AIG1: variants seen among roughly 807,000 people sequenced by gnomAD.
AIG1 encodes the protein androgen-induced gene 1 protein.
Under a neutral mutation model 31.4 loss-of-function variants are expected in AIG1, and 23 were observed. The ratio of observed to expected loss-of-function variants is 0.73; its 90% CI spans 0.53 to 1.04. The LOEUF (loss-of-function observed/expected upper bound fraction) is 1.04, where lower values mean the gene tolerates loss of function less well. Ranked by LOEUF, AIG1 falls within the 50% of genes least tolerant of loss-of-function variation. AIG1 has a pLI of 0.00. For synonymous variants in AIG1, 100 were observed against 110.5 expected, an observed-to-expected ratio of 0.90 and a Z score of 0.60; for missense variants, 274 against 295.0, an observed-to-expected ratio of 0.93 and a Z score of 0.52.
intron 1 of AIG1, among the ~76,000 whole-genome samples, chr6:143,092,387 G>A (rs1424567316): frequency 6.7e-6 from 1 of 148,160 alleles, no homozygotes; most frequent in Non-Finnish European, 1.5e-5. Flanking sequence ...TCAAAGTGTT[G>A]GTGTTACAGG....
At position 143,257,525 on chromosome 6, in the gene AIG1, A is replaced by G. The variant is rs535446196; in HGVS notation, c.400-26585A>G. On this transcript the variant is annotated intron_variant, in intron 3 of 5. Transcript: ENST00000357847. ...TATATGTGTTTGAACGGTTATAGTTAAGCATTTATATTTTTACAGAAGGCT... is the reference window on the plus strand; with the variant it reads ...TATATGTGTTTGAACGGTTATAGTTGAGCATTTATATTTTTACAGAAGGCT... Among the ~76,000 whole-genome samples the G allele has an allele frequency of 7.2e-5, 11 of 152,334 alleles. No individual in the cohort carries two copies. In the East Asian group the frequency reaches 1.3e-3, roughly 19 times the overall value.
intron 1 of AIG1, among the ~76,000 whole-genome samples, chr6:143,108,063 C>T (rs1204777275): frequency 6.6e-6 from 1 of 152,122 alleles, no homozygotes; most frequent in African/African-American, 2.4e-5. Context: ...AGCTTTGATG[C>T]CAGATTGCAT....
In AIG1 at chr6:143,226,985, CTTTTTTTTTTTT is replaced by C. The variant is rs11431811; in HGVS notation, c.400-57115_400-57104del. On this transcript the variant is annotated intron_variant, in intron 3 of 5. Coordinates refer to ENST00000357847, the MANE Select transcript of AIG1 (RefSeq NM_016108.4). The stretch of plus-strand genomic sequence containing the variant: ...CTTTCTTAAAACATTGAGTTTTTGT[CTTTTTTTTTTTT>C]TTTTTTTTTAGTTCATCAGCTATCG... 2.6e-5 allele frequency among the ~76,000 whole-genome samples: 3 copies of C among 113,622 alleles called. 1 individual carries two copies. The Admixed American group carries it at 2.6e-4, about 10-fold the overall frequency. 74.5% of individuals were successfully genotyped at this position (113,622 alleles called of 152,430 possible). A position where few individuals can be genotyped will look rare whatever the true frequency, so the allele number is the denominator to read the frequency against.
chr6:143,187,665 A>G, intron 3 of AIG1: 2 of 1,536,104 alleles, frequency 1.3e-6, no homozygotes, highest in Non-Finnish European at 1.7e-6. Flanking sequence ...CACGCTTTTC[A>G]AACGCCCATC....
intron 2 of AIG1, among the ~76,000 whole-genome samples, chr6:143,154,394 G>C (rs1346078177): frequency 6.6e-6 from 1 of 152,112 alleles, no homozygotes; most frequent in East Asian, 1.9e-4. Context: ...TGATGAAACT[G>C]TAGTGATGAA....
At chr6:143,274,720 G>A (rs1219842261) in intron 3 of AIG1, among the ~76,000 whole-genome samples, 1 of 152,194 alleles carries the variant, frequency 6.6e-6, no homozygotes, top group African/African-American at 2.4e-5. Context: ...AGCAGTGTGT[G>A]TCAGTAAAAG....
At chr6:143,238,192 C>T (rs762421548) in intron 3 of AIG1, among the ~76,000 whole-genome samples, 1 of 152,174 alleles carries the variant, frequency 6.6e-6, no homozygotes, top group African/African-American at 2.4e-5. Context: ...CTGCCCACCT[C>T]GGGCTCCCAA....
At chr6:143,289,584 T>C (rs1252115352) in intron 4 of AIG1, among the ~76,000 whole-genome samples, 3 of 152,176 alleles carry the variant, frequency 2.0e-5, no homozygotes, top group Non-Finnish European at 4.4e-5. Flanking sequence ...TTATGATCAT[T>C]CCTAAATTAT....
chr6:143,274,123 C>T (rs918515488), intron 3 of AIG1, among the ~76,000 whole-genome samples: 3 of 152,102 alleles, frequency 2.0e-5, no homozygotes, highest in East Asian at 1.9e-4. Context: ...AATGGTGGGG[C>T]GATGAGAGAC....
chr6:143,206,298 C>T (rs1424225182), intron 3 of AIG1, among the ~76,000 whole-genome samples: 1 of 152,170 alleles, frequency 6.6e-6, no homozygotes, highest in African/African-American at 2.4e-5. Context: ...CTACTTTTTT[C>T]CTTCTCAAGG....
intron 4 of AIG1, among the ~76,000 whole-genome samples, chr6:143,321,801 GA>G (rs1162077715): frequency 6.6e-6 from 1 of 151,930 alleles, no homozygotes; most frequent in Non-Finnish European, 1.5e-5. Context: ...ACACAACTGG[GA>G]AAAAAACCTG....
rs570471435 is a variant in AIG1 at position 143,068,400 on chromosome 6, A to G, written c.141+7334A>G. Among the ~76,000 whole-genome samples the G allele has an allele frequency of 3.6e-4, 55 of 152,360 alleles. No individual in the cohort carries two copies. The South Asian group carries it at 5.4e-3, about 15-fold the overall frequency. On this transcript the variant is annotated intron_variant, in intron 1 of 5. Transcript: ENST00000357847. ...CTGTAGTTAGACAGTTAAAGGGCCCATGCCTCACCTGCAGGGTAGCCCTTC... is the reference window on the plus strand; with the variant it reads ...CTGTAGTTAGACAGTTAAAGGGCCCGTGCCTCACCTGCAGGGTAGCCCTTC...
At chr6:143,283,463 C>G (rs1797482375) in intron 3 of AIG1, among the ~76,000 whole-genome samples, 1 of 152,118 alleles carries the variant, frequency 6.6e-6, no homozygotes, top group African/African-American at 2.4e-5. Flanking sequence ...TAGCCTTTGA[C>G]AATAAAAACA....
chr6:143,309,580 AAAAG>A (rs1372782930), intron 4 of AIG1, among the ~76,000 whole-genome samples: 1 of 152,042 alleles, frequency 6.6e-6, no homozygotes, highest in Non-Finnish European at 1.5e-5. Context: ...AGGGCATAAA[AAAAG>A]AAAGAAATGC....
chr6:143,103,832 C>A (rs1362890198), intron 1 of AIG1, among the ~76,000 whole-genome samples: 3 of 152,142 alleles, frequency 2.0e-5, no homozygotes, highest in African/African-American at 4.8e-5. Flanking sequence ...TAAGTTCTAA[C>A]ACAAAATTGT....
At chr6:143,332,611 C>G (rs1777168969) in intron 4 of AIG1, among the ~76,000 whole-genome samples, 1 of 152,154 alleles carries the variant, frequency 6.6e-6, no homozygotes. Flanking sequence ...GTGTTGGTGT[C>G]TAGTTGGAAG....
At chr6:143,144,914 G>A (rs1475523969) in intron 2 of AIG1, among the ~76,000 whole-genome samples, 3 of 152,208 alleles carry the variant, frequency 2.0e-5, no homozygotes, top group Non-Finnish European at 4.4e-5. Flanking sequence ...TTCAATATTA[G>A]TTGAGTGTAA....
At chr6:143,272,779 C>T (rs545255839) in intron 3 of AIG1, among the ~76,000 whole-genome samples, 14 of 152,180 alleles carry the variant, frequency 9.2e-5, no homozygotes, top group Non-Finnish European at 2.1e-4. Flanking sequence ...TAGGTTGAAT[C>T]ACATAGTAAG....
At chr6:143,220,693 A>G (rs1792416947) in intron 3 of AIG1, among the ~76,000 whole-genome samples, 1 of 152,264 alleles carries the variant, frequency 6.6e-6, no homozygotes, top group African/African-American at 2.4e-5. Context: ...GATAATGATT[A>G]CAATGACAAT....
Sources: gnomAD v4.1 joint callset for allele counts (sites outside exome capture counted in the v4.1 genomes callset) on GRCh38, gnomAD v4.1.1 for gene constraint, MANE v1.5 for transcripts, NCBI Gene and HGNC (gene_info 2026-07-23, HGNC 2026-07-21) for gene names.